The following CPQ variants were observed in gnomAD, a reference collection of about 807,000 sequenced individuals.
CPQ encodes the protein carboxypeptidase Q.
CPQ carries 37 observed loss-of-function variants against 45.7 expected under a neutral mutation model. That is an observed-to-expected ratio of 0.81 (90% confidence interval 0.62 to 1.07). The LOEUF (loss-of-function observed/expected upper bound fraction) is 1.07, where lower values mean the gene tolerates loss of function less well. Ranked by LOEUF, CPQ falls within the 50% of genes least tolerant of loss-of-function variation. CPQ has a pLI of 0.00. For missense variants in CPQ, 537 were observed against 572.9 expected (o/e 0.94, Z 0.64); for synonymous variants, 186 against 205.8 (o/e 0.90, Z 0.82).
chr8:96,664,596 A>G (rs535271743), intron 1 of CPQ, among the ~76,000 whole-genome samples: 1 of 152,330 alleles, frequency 6.6e-6, no homozygotes, highest in South Asian at 2.1e-4. Context: ...GGGAATGTAG[A>G]TGATGGCATT....
intron 5 of CPQ, among the ~76,000 whole-genome samples, chr8:97,024,695 C>A (rs180990667): frequency 2.0e-5 from 3 of 152,282 alleles, no homozygotes; most frequent in Admixed American, 6.5e-5. Flanking sequence ...TGCATTTAAC[C>A]ACTCTGCTTT....
Position 96,954,117 on chromosome 8 carries a change from C to T in CPQ, c.850-11818C>T, listed in dbSNP as rs186287177. Reference sequence around the variant, plus strand: ...GAATGGTACTTTGATGCTTGTATTTCCTTTAATCTTGCTCTAATTTATAGC... The same window carrying T: ...GAATGGTACTTTGATGCTTGTATTTTCTTTAATCTTGCTCTAATTTATAGC... On this transcript the variant is annotated intron_variant, in intron 4 of 7. Transcript: ENST00000220763. 5.9e-3 allele frequency among the ~76,000 whole-genome samples: 892 copies of T among 152,206 alleles called. 6 individuals are homozygous for T. Among genetic ancestry groups the T allele is most frequent in the Middle Eastern group, 0.01 (3 of 294 alleles).
chr8:96,891,191 G>A (rs1372405764), intron 4 of CPQ, among the ~76,000 whole-genome samples: 10 of 152,200 alleles, frequency 6.6e-5, no homozygotes, highest in Admixed American at 6.5e-4. Flanking sequence ...ATACCATGAC[G>A]GTGGATAAGA....
intron 1 of CPQ, among the ~76,000 whole-genome samples, chr8:96,653,790 G>A (rs1388630919): frequency 6.6e-6 from 1 of 152,160 alleles, no homozygotes; most frequent in Non-Finnish European, 1.5e-5. Flanking sequence ...GGAGGAGGAG[G>A]AAGAGAAGGG....
chr8:96,904,111 G>A (rs1379304094), intron 4 of CPQ, among the ~76,000 whole-genome samples: 2 of 152,150 alleles, frequency 1.3e-5, no homozygotes, highest in African/African-American at 2.4e-5. Context: ...GGGTCACCTA[G>A]CTCAAGGCAG....
At chr8:97,056,101 AACACACACACACAC>A (rs34266303) in intron 6 of CPQ, among the ~76,000 whole-genome samples, 2 of 146,338 alleles carry the variant, frequency 1.4e-5, no homozygotes, top group East Asian at 2.0e-4. Flanking sequence ...CCTATCTCAA[AACACACACACACAC>A]ACACACACAC....
intron 4 of CPQ, among the ~76,000 whole-genome samples, chr8:96,943,959 A>C (rs1813155498): frequency 6.6e-6 from 1 of 152,148 alleles, no homozygotes. Flanking sequence ...TGATTTTGGA[A>C]GCCCTAGTTT....
At chr8:97,003,006 T>C (rs924495308) in intron 5 of CPQ, among the ~76,000 whole-genome samples, 2 of 152,196 alleles carry the variant, frequency 1.3e-5, no homozygotes, top group Non-Finnish European at 2.9e-5. Context: ...CAATTTACTA[T>C]TATATAATGC....
At chr8:96,872,292 T>C (rs1812081408) in intron 3 of CPQ, among the ~76,000 whole-genome samples, 1 of 151,946 alleles carries the variant, frequency 6.6e-6, no homozygotes, top group Non-Finnish European at 1.5e-5. Context: ...TTTAACTGCA[T>C]TTTTGACTGC....
intron 7 of CPQ, among the ~76,000 whole-genome samples, chr8:97,089,729 C>T (rs1811100277): frequency 6.6e-6 from 1 of 152,138 alleles, no homozygotes; most frequent in East Asian, 1.9e-4. Context: ...TTGAACTCAA[C>T]CTAGGATGGG....
At chr8:97,046,272 T>G (rs1173468067) in intron 6 of CPQ, among the ~76,000 whole-genome samples, 2 of 152,142 alleles carry the variant, frequency 1.3e-5, no homozygotes, top group African/African-American at 2.4e-5. Flanking sequence ...TATTCCTTTT[T>G]TTTTTTTCCA....
chr8:97,018,656 CAA>C (rs1217993118), intron 5 of CPQ, among the ~76,000 whole-genome samples: 7 of 152,016 alleles, frequency 4.6e-5, no homozygotes, highest in Non-Finnish European at 7.4e-5. Context: ...AGCTTGAAGA[CAA>C]AGTTTTCGAA....
At chr8:97,111,704 C>T (rs139403722) in intron 7 of CPQ, among the ~76,000 whole-genome samples, 116 of 152,322 alleles carry the variant, frequency 7.6e-4, no homozygotes, top group Middle Eastern at 3.4e-3. Flanking sequence ...TGGGAAGGCA[C>T]AGAGTAACAT....
intron 5 of CPQ, among the ~76,000 whole-genome samples, chr8:97,017,990 C>G (rs1311164842): frequency 6.6e-6 from 1 of 152,186 alleles, no homozygotes; most frequent in Non-Finnish European, 1.5e-5. Context: ...GTCCATTTCA[C>G]CTCCTTGCCG....
intron 5 of CPQ, among the ~76,000 whole-genome samples, chr8:97,007,590 A>C (rs1164504511): frequency 2.0e-5 from 3 of 152,216 alleles, no homozygotes; most frequent in African/African-American, 7.2e-5. Flanking sequence ...GCCAAAGCAA[A>C]GAACTATTTC....
chr8:97,073,849 T>C (rs905393682), intron 7 of CPQ, among the ~76,000 whole-genome samples: 9 of 152,232 alleles, frequency 5.9e-5, no homozygotes, highest in Admixed American at 2.0e-4. Flanking sequence ...TTAATTCAGA[T>C]GAGTCAAAGC....
In CPQ at chr8:96,723,904, G is replaced by A. The variant is rs569864935; in HGVS notation, c.-34-60960G>A. Among the ~76,000 whole-genome samples, 10 of 152,098 alleles carry A rather than the reference G, an allele frequency of 6.6e-5. No homozygotes were observed. In the South Asian group the frequency reaches 8.3e-4, roughly 13 times the overall value. On this transcript the variant is annotated intron_variant, in intron 1 of 7. Coordinates refer to ENST00000220763, the MANE Select transcript of CPQ (RefSeq NM_016134.4). Reference sequence around the variant, plus strand: ...ACCAATTTACATCAAACTAGATTCCGAAGGGCATTTTCAGGATCTGTACTT... The same window carrying A: ...ACCAATTTACATCAAACTAGATTCCAAAGGGCATTTTCAGGATCTGTACTT...
intron 1 of CPQ, among the ~76,000 whole-genome samples, chr8:96,771,206 T>A (rs1001482245): frequency 6.6e-6 from 1 of 151,018 alleles, no homozygotes; most frequent in African/African-American, 2.4e-5. Context: ...TAGGACTTCC[T>A]TTTTCTTTTT....
At chr8:96,861,911 G>C (rs942437902) in intron 3 of CPQ, among the ~76,000 whole-genome samples, 1 of 152,102 alleles carries the variant, frequency 6.6e-6, no homozygotes, top group Admixed American at 6.5e-5. Flanking sequence ...GTGGATACAG[G>C]TAGAGGGAGA....
Sources: gnomAD v4.1 joint callset for allele counts (sites outside exome capture counted in the v4.1 genomes callset) on GRCh38, gnomAD v4.1.1 for gene constraint, MANE v1.5 for transcripts, NCBI Gene and HGNC (gene_info 2026-07-23, HGNC 2026-07-21) for gene names.